Variants in TRIM44 observed in about 807,000 individuals in gnomAD.
TRIM44 encodes tripartite motif containing 44.
TRIM44 carries 13 observed loss-of-function variants against 37.4 expected under a neutral mutation model. That is an observed-to-expected ratio of 0.35 (90% CI 0.23 to 0.55). TRIM44 has a LOEUF of 0.55. TRIM44 is among the 20% of genes least tolerant of loss of function. The pLI, the probability that TRIM44 is intolerant of heterozygous loss-of-function variation, is 0.89. For synonymous variants in TRIM44, 175 were observed against 157.2 expected (o/e 1.11, Z -0.85); for missense variants, 426 against 437.2 (o/e 0.97, Z 0.23).
intron 4 of TRIM44, among the ~76,000 whole-genome samples, chr11:35,775,724 T>G (rs1039989840): frequency 3.3e-5 from 5 of 152,244 alleles, no homozygotes; most frequent in African/African-American, 1.2e-4. Context: ...TCTATTGAGA[T>G]AATCATTTGG....
intron 4 of TRIM44, among the ~76,000 whole-genome samples, chr11:35,745,157 C>T (rs745500089): frequency 6.6e-6 from 1 of 152,198 alleles, no homozygotes; most frequent in African/African-American, 2.4e-5. Context: ...CACTCTTCCA[C>T]AATGGTTGAA....
At position 35,725,955 on chromosome 11, in the gene TRIM44, A is replaced by G. The variant is rs1235152592; in HGVS notation, c.779A>G (p.Gln260Arg). Residue 260 changes from glutamine to arginine, a missense_variant, in exon 3 of 5, where the codon CAG becomes CGG. By Grantham distance (43) the Gln-to-Arg change is conservative (BLOSUM62 1). Coordinates refer to ENST00000299413, the MANE Select transcript of TRIM44 (RefSeq NM_017583.6). Reference sequence around the variant, plus strand: ...CGGGACCAAATGAAGATGTTTATACAGCAGGAATTTAAGAAAGTTCAGAAA... The same window carrying G: ...CGGGACCAAATGAAGATGTTTATACGGCAGGAATTTAAGAAAGTTCAGAAA... Reference protein sequence around the residue: ...VTRDQMKMFIQQEFKKVQKVI... With the variant: ...VTRDQMKMFIRQEFKKVQKVI... 3 of 1,614,016 alleles carry G rather than the reference A, an allele frequency of 1.9e-6. No homozygotes were observed. The highest frequency in any genetic ancestry group is 2.7e-5 in the African/African-American group (2 of 74,930).
intron 4 of TRIM44, among the ~76,000 whole-genome samples, chr11:35,762,089 A>C (rs1437627198): frequency 2.0e-5 from 3 of 152,096 alleles, no homozygotes; most frequent in Admixed American, 6.6e-5. Context: ...ACATGATGAG[A>C]CTGGAGAACA....
chr11:35,755,814 T>G (rs1852629642), intron 4 of TRIM44, among the ~76,000 whole-genome samples: 1 of 152,262 alleles, frequency 6.6e-6, no homozygotes, highest in Non-Finnish European at 1.5e-5. Context: ...CAGATAGTTG[T>G]AGATATGCGG....
intron 4 of TRIM44, among the ~76,000 whole-genome samples, chr11:35,753,849 C>G (rs1017749231): frequency 6.6e-6 from 1 of 152,014 alleles, no homozygotes; most frequent in Non-Finnish European, 1.5e-5. Flanking sequence ...CTGCCTCAGC[C>G]TCCCAAGTAA....
chr11:35,739,955 TG>T (rs1852371591), intron 4 of TRIM44, among the ~76,000 whole-genome samples: 1 of 151,878 alleles, frequency 6.6e-6, no homozygotes, highest in South Asian at 2.1e-4. Flanking sequence ...AAAAATTAGC[TG>T]GGCATGGTGG....
At chr11:35,740,931 CT>C (rs577836040) in intron 4 of TRIM44, among the ~76,000 whole-genome samples, 10 of 152,132 alleles carry the variant, frequency 6.6e-5, no homozygotes, top group Admixed American at 2.0e-4. Context: ...ATTCTAGGTA[CT>C]TTTTTTCCCC....
intron 4 of TRIM44, among the ~76,000 whole-genome samples, chr11:35,752,344 C>T (rs1852569111): frequency 6.6e-6 from 1 of 152,046 alleles, no homozygotes; most frequent in South Asian, 2.1e-4. Context: ...TGCCAGACCT[C>T]CCCCGACCCC....
chr11:35,690,146 C>G (rs1564952788), intron 2 of TRIM44, among the ~76,000 whole-genome samples: 1 of 151,946 alleles, frequency 6.6e-6, no homozygotes, highest in African/African-American at 2.4e-5. Flanking sequence ...TTTTTTTTTC[C>G]TTTTGTTTCC....
At chr11:35,715,405 T>C (rs1852026799) in intron 2 of TRIM44, among the ~76,000 whole-genome samples, 1 of 111,446 alleles carries the variant, frequency 9.0e-6, no homozygotes, top group Admixed American at 1.2e-4. Context: ...TCTCTGTGTA[T>C]GTGTGTGTGT....
intron 2 of TRIM44, among the ~76,000 whole-genome samples, chr11:35,720,153 G>C (rs1307127628): frequency 6.6e-6 from 1 of 152,126 alleles, no homozygotes; most frequent in Admixed American, 6.5e-5. Flanking sequence ...ACAATATTGA[G>C]CCTTTTTCTC....
chr11:35,728,394 C>T (rs1319145613), intron 3 of TRIM44, among the ~76,000 whole-genome samples: 2 of 152,166 alleles, frequency 1.3e-5, no homozygotes, highest in African/African-American at 4.8e-5. Context: ...TAGTCCTTCT[C>T]TGACATTAGC....
intron 4 of TRIM44, among the ~76,000 whole-genome samples, chr11:35,762,807 T>C (rs544144890): frequency 6.6e-6 from 1 of 152,240 alleles, no homozygotes; most frequent in East Asian, 1.9e-4. Context: ...GACCTACTAT[T>C]TAACTATTTA....
At chr11:35,725,066 T>TG (rs1852155685) in intron 2 of TRIM44, among the ~76,000 whole-genome samples, 76 of 141,164 alleles carry the variant, frequency 5.4e-4, no homozygotes, top group Non-Finnish European at 4.5e-4. Flanking sequence ...ATGCACACAC[T>TG]CACACACACA....
At chr11:35,712,932 G>A (rs1851996816) in intron 2 of TRIM44, among the ~76,000 whole-genome samples, 1 of 152,164 alleles carries the variant, frequency 6.6e-6, no homozygotes, top group African/African-American at 2.4e-5. Context: ...TTCCCTGTTA[G>A]TTCAAGCTCT....
At chr11:35,795,030 C>T (rs1853262319) in intron 4 of TRIM44, among the ~76,000 whole-genome samples, 2 of 152,296 alleles carry the variant, frequency 1.3e-5, no homozygotes, top group Admixed American at 6.5e-5. Context: ...GGAGCTGAGA[C>T]CTGAATGTTA....
Position 35,664,625 on chromosome 11 carries a change from T to C in TRIM44, c.669+845T>C, listed in dbSNP as rs370005047. On this transcript the variant is annotated intron_variant, in intron 1 of 4. Transcript: ENST00000299413. ...TTTGCTTCCCTGAATAGGGAATAGC[T>C]GGCATTGGGATAACAAATACCTTGA... 2.6e-5 allele frequency among the ~76,000 whole-genome samples: 4 copies of C among 152,360 alleles called. No homozygotes were observed. The South Asian group carries it at 8.3e-4, about 32-fold the overall frequency.
At chr11:35,779,349 C>T (rs113401131) in intron 4 of TRIM44, among the ~76,000 whole-genome samples, 3 of 152,186 alleles carry the variant, frequency 2.0e-5, no homozygotes, top group Admixed American at 6.5e-5. Context: ...TCTGTCATGT[C>T]TTCCCTTGGC....
At position 35,750,087 on chromosome 11, in the gene TRIM44, C is replaced by G. The variant is rs115606739; in HGVS notation, c.1007+14642C>G. Reference sequence around the variant, plus strand: ...AAGACAGAAAAACAGTGTGGCCACTCATTCCAAAATCTCCATGAGCCTTCT... The same window carrying G: ...AAGACAGAAAAACAGTGTGGCCACTGATTCCAAAATCTCCATGAGCCTTCT... On this transcript the variant is annotated intron_variant, in intron 4 of 4. Coordinates refer to ENST00000299413, the MANE Select transcript of TRIM44 (RefSeq NM_017583.6). Among the ~76,000 whole-genome samples, 1,415 of 152,298 alleles carry G rather than the reference C, an allele frequency of 9.3e-3. 28 individuals carry two copies. The highest frequency in any genetic ancestry group is 0.032 in the African/African-American group (1,334 of 41,560).
Sources: gnomAD v4.1 joint callset for allele counts (sites outside exome capture counted in the v4.1 genomes callset) on GRCh38, gnomAD v4.1.1 for gene constraint, MANE v1.5 for transcripts, NCBI Gene and HGNC (gene_info 2026-07-23, HGNC 2026-07-21) for gene names.